Variants in AGBL1 observed in about 807,000 individuals in gnomAD.
The protein encoded by AGBL1 is cytosolic carboxypeptidase 4.
AGBL1 carries 130 observed loss-of-function variants against 118.9 expected under a neutral mutation model. The observed-to-expected ratio is 1.09, with a 90% CI of 0.95 to 1.26. AGBL1 has a LOEUF of 1.26. Ranked by LOEUF, AGBL1 falls within the 50% of genes most tolerant of loss-of-function variation. AGBL1 has a pLI of 0.00. For synonymous variants in AGBL1, 555 were observed against 478.9 expected (o/e 1.16, Z -2.08); for missense variants, 1,584 against 1,298.1 (o/e 1.22, Z -3.38).
intron 24 of AGBL1, among the ~76,000 whole-genome samples, chr15:87,001,465 C>G (rs975800965): frequency 2.6e-5 from 4 of 152,022 alleles, no homozygotes; most frequent in African/African-American, 9.7e-5. Context: ...TTTATAGTAG[C>G]ATGATTTGTA....
chr15:86,839,373 C>T (rs764023603), intron 22 of AGBL1, among the ~76,000 whole-genome samples: 2 of 152,194 alleles, frequency 1.3e-5, no homozygotes, highest in Admixed American at 6.5e-5. Context: ...TCTTACTGCT[C>T]TCTGCCATAG....
At chr15:86,442,102 A>G (rs139228953) in intron 18 of AGBL1, among the ~76,000 whole-genome samples, 112 of 152,376 alleles carry the variant, frequency 7.4e-4, no homozygotes, top group Admixed American at 1.2e-3. Flanking sequence ...GTTCGAGACA[A>G]CTGTTTGCAA....
chr15:86,267,431 T>C (rs1350005489), intron 13 of AGBL1, among the ~76,000 whole-genome samples: 2 of 152,226 alleles, frequency 1.3e-5, no homozygotes, highest in African/African-American at 4.8e-5. Context: ...GTTTATACTT[T>C]GATGCCAAGG....
intron 22 of AGBL1, among the ~76,000 whole-genome samples, chr15:86,870,317 T>C (rs2079702279): frequency 6.8e-6 from 1 of 147,584 alleles, no homozygotes; most frequent in Non-Finnish European, 1.5e-5. Context: ...AAGTCACATC[T>C]TGAAGGTCAA....
chr15:86,780,240 C>G (rs1226436819), intron 22 of AGBL1, among the ~76,000 whole-genome samples: 2 of 152,162 alleles, frequency 1.3e-5, no homozygotes, highest in African/African-American at 4.8e-5. Context: ...GCCACCTTTG[C>G]CTTCACTGCC....
chr15:86,900,054 TTGGACTCTA>T (rs1351748495), intron 22 of AGBL1, among the ~76,000 whole-genome samples: 2 of 152,162 alleles, frequency 1.3e-5, no homozygotes, highest in African/African-American at 2.4e-5. Context: ...CCCTTGAACA[TTGGACTCTA>T]AGTTCTTCAA....
At chr15:86,271,192 A>G (rs2079155859) in intron 14 of AGBL1, among the ~76,000 whole-genome samples, 1 of 151,974 alleles carries the variant, frequency 6.6e-6, no homozygotes, top group African/African-American at 2.4e-5. Flanking sequence ...CTGGGACTAC[A>G]GGCATGTGCC....
rs548514033 is a variant in AGBL1 at position 86,087,560 on chromosome 15, C to A, written c.51+7537C>A. Among the ~76,000 whole-genome samples, 66 of 152,262 alleles carry A rather than the reference C, an allele frequency of 4.3e-4. 1 individual carries two copies. In the South Asian group the frequency reaches 0.012, roughly 29 times the overall value. On this transcript the variant is annotated intron_variant, in intron 1 of 22. Transcript: ENST00000614907. ...GCCAGAGCTGGTCTGGAACTCCTGA[C>A]CTCAAGTGATCTGCCCTCCTCAGCC...
chr15:86,314,383 G>A (rs1271034240), intron 17 of AGBL1, among the ~76,000 whole-genome samples: 1 of 152,176 alleles, frequency 6.6e-6, no homozygotes, highest in East Asian at 1.9e-4. Flanking sequence ...GGGGAGTCAA[G>A]ACAGGAGCTG....
intron 16 of AGBL1, among the ~76,000 whole-genome samples, chr15:86,286,936 A>C (rs903428113): frequency 5.9e-5 from 9 of 151,952 alleles, no homozygotes; most frequent in African/African-American, 2.2e-4. Flanking sequence ...AGGAAACTTC[A>C]TACTGTTTTC....
rs74025478 is a variant in AGBL1 at position 86,785,177 on chromosome 15, G to A, written c.3158+110741G>A. Among the ~76,000 whole-genome samples, 524 of 152,050 alleles carry A rather than the reference G, an allele frequency of 3.4e-3. 6 individuals are homozygous for A. Among genetic ancestry groups the A allele is most frequent in the African/African-American group, 0.012 (492 of 41,476 alleles). On this transcript the variant is annotated intron_variant, in intron 22 of 22. Transcript: ENST00000614907. ...GAGAAAGGAGAGCCAGGGCACAGCT[G>A]TAGGGAGCACATCCAGATAGCACTT...
At position 86,448,113 on chromosome 15, in the gene AGBL1, C is replaced by G. The variant is rs1242100840; in HGVS notation, c.2555+50567C>G. Among the ~76,000 whole-genome samples the G allele has an allele frequency of 2.6e-5, 4 of 152,194 alleles. No homozygotes were observed. The East Asian group carries it at 7.7e-4, about 29-fold the overall frequency. ...TGAGCTGAGATCACGCCACTGCACT[C>G]CAGCCTGGACGACAGAGCAAGACCC... On this transcript the variant is annotated intron_variant, in intron 18 of 22. Transcript: ENST00000614907.
At chr15:86,424,933 C>T (rs2081845986) in intron 18 of AGBL1, among the ~76,000 whole-genome samples, 1 of 152,170 alleles carries the variant, frequency 6.6e-6, no homozygotes, top group Admixed American at 6.5e-5. Flanking sequence ...TGCTTTTACA[C>T]TGTTGGTGGG....
intron 22 of AGBL1, among the ~76,000 whole-genome samples, chr15:86,714,438 C>G (rs540312712): frequency 2.0e-5 from 3 of 152,120 alleles, no homozygotes; most frequent in Admixed American, 2.0e-4. Context: ...GGAATTGAAG[C>G]AGTTTAAACT....
chr15:86,166,122 C>T lies in AGBL1; in HGVS notation c.488+7096C>T, dbSNP rs141317408. On this transcript the variant is annotated intron_variant, in intron 5 of 22. Coordinates refer to ENST00000614907, the MANE Select transcript of AGBL1 (RefSeq NM_001386094.1). ...GTCACTGAAACCCAGAGAGGCTGAA[C>T]CAAGCCTTCTACCCTAACTTCAAGG... Among the ~76,000 whole-genome samples, 508 of 152,310 alleles carry T rather than the reference C, an allele frequency of 3.3e-3. 2 individuals carry two copies. Among genetic ancestry groups the T allele is most frequent in the Middle Eastern group, 6.8e-3 (2 of 294 alleles).
At chr15:86,314,409 T>TA (rs2141830037) in intron 17 of AGBL1, among the ~76,000 whole-genome samples, 1 of 152,210 alleles carries the variant, frequency 6.6e-6, no homozygotes, top group South Asian at 2.1e-4. Context: ...GAATTCACAT[T>TA]AAAAAAGGGC....
At position 86,460,301 on chromosome 15, in the gene AGBL1, G is replaced by C. The variant is rs981795849; in HGVS notation, c.2556-62509G>C. On this transcript the variant is annotated intron_variant, in intron 18 of 22. Coordinates refer to ENST00000614907, the MANE Select transcript of AGBL1 (RefSeq NM_001386094.1). The stretch of plus-strand genomic sequence containing the variant: ...GTTCCAGATCAACCTGGGCAACATA[G>C]AAAGACCCTATCTCTACAAAAAAAA... Among the ~76,000 whole-genome samples the C allele has an allele frequency of 1.1e-4, 7 of 61,772 alleles. No homozygotes were observed. In the South Asian group the frequency reaches 4.1e-3, roughly 36 times the overall value. 40.5% of individuals were successfully genotyped at this position (61,772 alleles called of 152,430 possible). A position where few individuals can be genotyped will look rare whatever the true frequency, so the allele number is the denominator to read the frequency against.
chr15:86,508,084 C>G (rs527648774), intron 18 of AGBL1, among the ~76,000 whole-genome samples: 117 of 149,694 alleles, frequency 7.8e-4, no homozygotes, highest in East Asian at 1.4e-3. Context: ...CCATGCCCAG[C>G]TAATTTTTTT....
chr15:86,274,226 T>G (rs939306058), intron 15 of AGBL1, among the ~76,000 whole-genome samples: 1 of 152,196 alleles, frequency 6.6e-6, no homozygotes, highest in African/African-American at 2.4e-5. Flanking sequence ...AGAATTTTGT[T>G]GTGGAGTTTA....
Sources: gnomAD v4.1 joint callset for allele counts (sites outside exome capture counted in the v4.1 genomes callset) on GRCh38, gnomAD v4.1.1 for gene constraint, MANE v1.5 for transcripts, NCBI Gene and HGNC (gene_info 2026-07-23, HGNC 2026-07-21) for gene names.